DENND1B: variants seen among roughly 807,000 people sequenced by gnomAD.
DENND1B encodes DENN domain-containing protein 1B.
DENND1B carries 59 observed loss-of-function variants against 90.1 expected under a neutral mutation model. That is an observed-to-expected ratio of 0.65 (90% CI 0.53 to 0.81). DENND1B has a LOEUF of 0.81. DENND1B is among the 40% of genes least tolerant of loss of function. The pLI is 0.00. For synonymous variants in DENND1B, 337 were observed against 324.6 expected, an observed-to-expected ratio of 1.04 and a Z score of -0.41; for missense variants, 862 against 912.6, an observed-to-expected ratio of 0.94 and a Z score of 0.71.
intron 5 of DENND1B, among the ~76,000 whole-genome samples, chr1:197,664,286 C>T (rs1212092007): frequency 2.0e-5 from 3 of 151,916 alleles, no homozygotes; most frequent in Admixed American, 1.3e-4. Context: ...AAAAATTACT[C>T]GACATATTGT....
intron 10 of DENND1B, among the ~76,000 whole-genome samples, chr1:197,625,876 T>G (rs919190391): frequency 6.6e-6 from 1 of 151,992 alleles, no homozygotes; most frequent in African/African-American, 2.4e-5. Flanking sequence ...GCAATCCTAG[T>G]CTCTGATAAA....
intron 6 of DENND1B, among the ~76,000 whole-genome samples, chr1:197,656,368 A>G (rs1653825239): frequency 6.6e-6 from 1 of 152,180 alleles, no homozygotes; most frequent in Admixed American, 6.5e-5. Flanking sequence ...AGAGTACCAA[A>G]TAAGAATTTA....
intron 3 of DENND1B, among the ~76,000 whole-genome samples, chr1:197,675,534 T>C (rs1208912915): frequency 1.3e-5 from 2 of 152,146 alleles, no homozygotes; most frequent in Non-Finnish European, 2.9e-5. Context: ...GACTCTATAT[T>C]AAGCGAAAGC....
chr1:197,662,095 A>G (rs1490472341), intron 5 of DENND1B, among the ~76,000 whole-genome samples: 1 of 152,084 alleles, frequency 6.6e-6, no homozygotes, highest in Non-Finnish European at 1.5e-5. Context: ...TCATCTATAA[A>G]TCAAACTATG....
chr1:197,508,900 G>A lies in DENND1B; in HGVS notation c.*1560C>T, dbSNP rs530975646. The A allele has an allele frequency of 2.0e-5, 3 of 151,700 alleles. No homozygotes were observed. The East Asian group carries it at 5.9e-4, about 30-fold the overall frequency. 9.4% of individuals were successfully genotyped at this position (151,700 alleles called of 1,614,324 possible). A position where few individuals can be genotyped will look rare whatever the true frequency, so the allele number is the denominator to read the frequency against. On this transcript the variant is annotated 3_prime_UTR_variant, in exon 23 of 23. Transcript: ENST00000620048. Reference sequence around the variant, plus strand: ...GCTCAACAGTGAATTTGAGAAAGAAGAAACAAATTTTCTATACAGAATTCC... The same window carrying A: ...GCTCAACAGTGAATTTGAGAAAGAAAAAACAAATTTTCTATACAGAATTCC...
At chr1:197,730,672 T>C (rs962578282) in intron 2 of DENND1B, among the ~76,000 whole-genome samples, 2 of 152,086 alleles carry the variant, frequency 1.3e-5, no homozygotes, top group African/African-American at 4.8e-5. Flanking sequence ...GCTTTTAGAC[T>C]GAAAATAGTT....
chr1:197,676,706 C>T (rs1656114480), intron 3 of DENND1B, among the ~76,000 whole-genome samples: 2 of 151,946 alleles, frequency 1.3e-5, no homozygotes, highest in South Asian at 2.1e-4. Flanking sequence ...AAATTATGAA[C>T]AGCAAAATGA....
intron 12 of DENND1B, among the ~76,000 whole-genome samples, 184 bp from the exon 13 acceptor site, chr1:197,607,358 G>T (rs539308867): frequency 6.6e-6 from 1 of 150,744 alleles, no homozygotes; most frequent in Non-Finnish European, 1.5e-5. Flanking sequence ...CAACTCATAC[G>T]AAAAGATTTA....
At chr1:197,679,813 T>G (rs1486765600) in intron 3 of DENND1B, among the ~76,000 whole-genome samples, 5 of 149,268 alleles carry the variant, frequency 3.3e-5, no homozygotes, top group Non-Finnish European at 7.4e-5. Context: ...GGGTTGTTTT[T>G]TTTTTTTTTT....
At chr1:197,768,271 C>A (rs1276776103) in intron 2 of DENND1B, among the ~76,000 whole-genome samples, 4 of 151,562 alleles carry the variant, frequency 2.6e-5, no homozygotes, top group Admixed American at 6.6e-5. Flanking sequence ...TCCTCCTCCT[C>A]CTCCTACTAC....
Position 197,624,368 on chromosome 1 carries a change from T to C in DENND1B, c.673-6609A>G, listed in dbSNP as rs374981203. 4.3e-4 allele frequency among the ~76,000 whole-genome samples: 65 copies of C among 151,754 alleles called. 1 individual carries two copies. The South Asian group carries it at 0.013, about 31-fold the overall frequency. On this transcript the variant is annotated intron_variant, in intron 10 of 22. Coordinates refer to ENST00000620048, the MANE Select transcript of DENND1B (RefSeq NM_001195215.2). ...GTGCTGGAAGAAGTGGACATCCACA[T>C]GCCAAAAAAATGAATCTAGATACAG...
In DENND1B at chr1:197,539,972, G is replaced by A. The variant is rs1189335797; in HGVS notation, c.1507C>T (p.Leu503Phe). 1.2e-6 allele frequency: 2 copies of A among 1,611,894 alleles called. No individual in the cohort carries two copies. Among genetic ancestry groups the A allele is most frequent in the Non-Finnish European group, 1.7e-6 (2 of 1,178,332 alleles). ...TAAATAACCTTACTTACCTGAGCAA[G>A]CTTACGCTTTTCTGAGTTTCCTCCC... ...EKGGNSEKRKLAQARLKRPLK... is the reference protein window; with the variant it reads ...EKGGNSEKRKFAQARLKRPLK... Residue 503 changes from leucine to phenylalanine, a missense_variant, in exon 20 of 23, where the codon CTT becomes TTT. Transcript: ENST00000620048.
Position 197,619,945 on chromosome 1 carries a change from G to A in DENND1B, c.673-2186C>T, listed in dbSNP as rs76017973. On this transcript the variant is annotated intron_variant, in intron 10 of 22. Coordinates refer to ENST00000620048, the MANE Select transcript of DENND1B (RefSeq NM_001195215.2). ...GCAACTTTCTGGATGTGGGGTATAG[G>A]TGACAAGGAGAGGAAAAAATATATG... Among the ~76,000 whole-genome samples the A allele has an allele frequency of 8.9e-3, 1,351 of 151,296 alleles. 13 individuals carry two copies. The highest frequency in any genetic ancestry group is 0.014 in the Non-Finnish European group (918 of 67,466).
chr1:197,589,395 A>G (rs967654823), intron 14 of DENND1B, among the ~76,000 whole-genome samples: 1 of 152,112 alleles, frequency 6.6e-6, no homozygotes, highest in African/African-American at 2.4e-5. Context: ...TGCACACCAA[A>G]TATTTCTTTG....
rs1286841757 is a variant in DENND1B at position 197,595,331 on chromosome 1, G to T, written c.924C>A (p.Val308=). 6.2e-7 allele frequency: 1 copy of T among 1,612,060 alleles called. No individual in the cohort carries two copies. Among genetic ancestry groups the T allele is most frequent in the Non-Finnish European group, 8.5e-7 (1 of 1,178,852 alleles). Residue 308 remains valine, a splice_region_variant and synonymous_variant, in exon 14 of 23, where the codon GTC becomes GTA. Coordinates refer to ENST00000620048, the MANE Select transcript of DENND1B (RefSeq NM_001195215.2). ...TCTTCAGTTTATTTTTCAAGGCCGA[G>T]ACCTGCATGACAGAGAGGAACAGTT... ...SDLNNLPSDV[V]SALKNKLKKQ... is the part of the protein sequence containing the mutation.
chr1:197,611,266 T>C (rs187997758), intron 12 of DENND1B, among the ~76,000 whole-genome samples: 1 of 151,012 alleles, frequency 6.6e-6, no homozygotes, highest in East Asian at 2.0e-4. Context: ...GCTTATTTTA[T>C]TAGATGCTGA....
chr1:197,635,729 TATG>T (rs1679727033), intron 10 of DENND1B, among the ~76,000 whole-genome samples: 1 of 152,190 alleles, frequency 6.6e-6, no homozygotes, highest in Admixed American at 6.6e-5. Context: ...TGGTAAATGC[TATG>T]ATAATTCAGA....
intron 2 of DENND1B, chr1:197,734,287 T>A: frequency 2.1e-6 from 2 of 939,772 alleles, no homozygotes; most frequent in South Asian, 9.8e-5. Context: ...TGTAAAAAGT[T>A]AAACACATTA....
Position 197,617,686 on chromosome 1 carries a change from A to G in DENND1B, c.746T>C (p.Leu249Pro). The G allele has an allele frequency of 6.2e-7, 1 of 1,607,558 alleles. No homozygotes were observed. Among genetic ancestry groups the G allele is most frequent in the Non-Finnish European group, 8.5e-7 (1 of 1,175,424 alleles). Reference protein sequence around the residue: ...MYWQHIYIPVLPPHLLDYCCA... With the variant: ...MYWQHIYIPVPPPHLLDYCCA... ...GCAGTAGTCCAGCAGGTGTGGAGGA[A>G]GCACTGGGATGTATATGTGTTGCCA... The change falls in exon 11 of 23, where the codon CTT (leucine) becomes CCT (proline). Residue 249 changes from leucine (L) to proline (P), a missense_variant. By Grantham distance (98) the Leu-to-Pro change is moderately conservative. Transcript: ENST00000620048.
Sources: allele counts gnomAD v4.1 joint callset (sites outside exome capture counted in the v4.1 genomes callset), GRCh38; gene constraint gnomAD v4.1.1; transcripts MANE v1.5; gene names NCBI Gene and HGNC (gene_info 2026-07-23, HGNC 2026-07-21).